Variants in SPAG8 observed in about 807,000 individuals in gnomAD.
SPAG8 encodes the protein sperm-associated antigen 8.
A neutral mutation model predicts 45.3 loss-of-function variants in SPAG8; 36 were observed. The observed-to-expected ratio is 0.80, with a 90% CI of 0.61 to 1.05. The LOEUF (loss-of-function observed/expected upper bound fraction) is 1.05. SPAG8 is among the 50% of genes least tolerant of loss of function. SPAG8 has a pLI of 0.00. For missense variants in SPAG8, 573 were observed against 609.2 expected, an observed-to-expected ratio of 0.94 and a Z score of 0.63; for synonymous variants, 227 against 232.6, an observed-to-expected ratio of 0.98 and a Z score of 0.22.
rs929163257 is a variant in SPAG8, at chr9:35,811,237, A to T, written c.809T>A (p.Val270Asp). 2 of 1,601,226 alleles carry T rather than the reference A, an allele frequency of 1.2e-6. No homozygotes were observed. The highest frequency in any genetic ancestry group is 1.3e-5 in the African/African-American group (1 of 74,262). ...GCCCCGCGGCAAAGTTTCATAGCAA[A>T]CCATAAGCTTCCCTTTAATGTCTGG... ...KPPDIKGKLM[V>D]CYETLPRGQC... is the part of the protein sequence containing the mutation. Residue 270 changes from valine to aspartate, a missense_variant, in exon 2 of 7, where the codon GTT (valine) becomes GAT (aspartate). Val to Asp is a radical substitution (Grantham distance 152, BLOSUM62 -3). Transcript: ENST00000396638.
rs192813746 is a variant in SPAG8 at position 35,810,853 on chromosome 9, C to T, written c.1039+30G>A. 4.3e-5 allele frequency: 69 copies of T among 1,605,042 alleles called. 1 individual carries two copies. Among genetic ancestry groups the T allele is most frequent in the East Asian group, 4.0e-4 (18 of 44,794 alleles). ...TCTTCTTCCCTCTGAGTAATGGGCT[C>T]GTTCTGGCCTACCCTCTCACATTTC... is the stretch of plus-strand genomic sequence containing the variant. On this transcript the variant is annotated intron_variant, in intron 3 of 6. Transcript: ENST00000396638.
chr9:35,810,404 G>C, intron 5 of SPAG8, 35 bp downstream of exon 5: 1 of 1,604,816 alleles, frequency 6.2e-7, no homozygotes, highest in South Asian at 1.1e-5. Flanking sequence ...AGCCCAGCTG[G>C]TGCAAGTGGC....
In SPAG8 at chr9:35,810,988, C is replaced by T. The variant is rs748325447; in HGVS notation, c.934G>A (p.Gly312Arg). 10 of 1,613,848 alleles carry T rather than the reference C, an allele frequency of 6.2e-6. No homozygotes were observed. Among genetic ancestry groups the T allele is most frequent in the South Asian group, 3.3e-5 (3 of 91,070 alleles). Reference sequence around the variant, plus strand: ...TGCATAGTCAGCAGTCCCCGGTGTCCGTGTCGGAAGAAAAAACTCTCAGAG... The same window carrying T: ...TGCATAGTCAGCAGTCCCCGGTGTCTGTGTCGGAAGAAAAAACTCTCAGAG... ...DGSESFFFRH[G>R]HRGLLTMQLK... The change falls in exon 3 of 7, where the codon GGA becomes AGA. Residue 312 changes from glycine (G) to arginine (R), a missense_variant. Coordinates refer to ENST00000396638, the MANE Select transcript of SPAG8 (RefSeq NM_001039592.2).
At chr9:35,808,723 C>T, downstream of SPAG8, 1 of 1,611,836 alleles carries the variant, frequency 6.2e-7, no homozygotes, top group Middle Eastern at 1.7e-4. This position sits in a 1 kb window ranked among gnomAD's most constrained non-coding sequence, Gnocchi z 4.0. Flanking sequence ...CTCCACCTTT[C>T]CCAGACTCTC....
In SPAG8 at chr9:35,809,907, A is replaced by G. The variant is rs756495914; in HGVS notation, c.*31T>C. ...TCTAGTGCAGACAGAAATAGATTCC[A>G]TATTCCATACCCCACTTCCCTCCTC... On this transcript the variant is annotated 3_prime_UTR_variant, in exon 7 of 7. Coordinates refer to ENST00000396638, the MANE Select transcript of SPAG8 (RefSeq NM_001039592.2). This position sits in a 1 kb window ranked among gnomAD's most constrained non-coding sequence, Gnocchi z 4.1. 6 of 1,544,230 alleles carry G rather than the reference A, an allele frequency of 3.9e-6. No homozygotes were observed. Among genetic ancestry groups the G allele is most frequent in the Admixed American group, 2.1e-5 (1 of 47,980 alleles).
chr9:35,808,450 C>A, downstream of SPAG8: 2 of 1,572,172 alleles, frequency 1.3e-6, no homozygotes, highest in Non-Finnish European at 1.7e-6. This position sits in a 1 kb window ranked among gnomAD's most constrained non-coding sequence, Gnocchi z 4.0. Flanking sequence ...TCTCCCTCTA[C>A]TTTTTCCCAT....
rs757636893 is a variant in SPAG8 at position 35,810,488 on chromosome 9, T to C, written c.1151A>G (p.His384Arg). 3.5e-5 allele frequency: 56 copies of C among 1,614,058 alleles called. No homozygotes were observed. The highest frequency in any genetic ancestry group is 4.6e-5 in the Non-Finnish European group (54 of 1,180,044). Residue 384 changes from histidine (H) to arginine (R), a missense_variant, in exon 5 of 7, where the codon CAT (histidine) becomes CGT (arginine). Coordinates refer to ENST00000396638, the MANE Select transcript of SPAG8 (RefSeq NM_001039592.2). ...TTGTGCCAGCTCCATTCGGTAGTCA[T>C]GGTGTGTCACAGACTCAACCTCGAA... is the stretch of plus-strand genomic sequence containing the variant. ...KLFEVESVTH[H>R]DYRMELAQAG...
Position 35,810,096 on chromosome 9 carries a change from G to A in SPAG8, c.1300C>T (p.Arg434Trp), listed in dbSNP as rs114206408. The change falls in exon 7 of 7, where the codon CGG becomes TGG. Residue 434 changes from arginine to tryptophan, a missense_variant. By Grantham distance (101) the Arg-to-Trp change is moderately radical (BLOSUM62 -3). Coordinates refer to ENST00000396638, the MANE Select transcript of SPAG8 (RefSeq NM_001039592.2). ...SNIRTLDTPF[R>W]KNCSFSTPVP... ...GGTGTTGAGAAGCTGCAGTTCTTCC[G>A]GAATGGTGTGTCCAATGTCCTGATG... 1,391 of 1,612,114 alleles carry A rather than the reference G, an allele frequency of 8.6e-4. 11 individuals are homozygous for A. The African/African-American group carries it at 0.016, about 19-fold the overall frequency.
At position 35,811,017 on chromosome 9, in the gene SPAG8, T is replaced by C; in HGVS notation, c.905A>G (p.Asp302Gly). The C allele has an allele frequency of 6.2e-7, 1 of 1,614,032 alleles. No homozygotes were observed. The highest frequency in any genetic ancestry group is 8.5e-7 in the Non-Finnish European group (1 of 1,179,984). ...NHLDQVPSMQ[D>G]GSESFFFRHG... The stretch of plus-strand genomic sequence containing the variant: ...TCGGAAGAAAAAACTCTCAGAGCCA[T>C]CCTGCATGCTTGGGACTTGATCCAG... The change falls in exon 3 of 7, where the codon GAT becomes GGT. Residue 302 changes from aspartate to glycine, a missense_variant. Physicochemically the swap from Asp to Gly is moderately conservative, Grantham distance 94. Transcript: ENST00000396638.
downstream of SPAG8, chr9:35,807,996 C>G (rs1828501294): frequency 1.7e-6 from 1 of 605,870 alleles, no homozygotes; most frequent in South Asian, 2.0e-5. Context: ...GGGATAACTA[C>G]TTTATCCCTA....
chr9:35,811,195 T>C lies in SPAG8; in HGVS notation c.851A>G (p.Asn284Ser), dbSNP rs1828773201. The change falls in exon 2 of 7, where the codon AAC becomes AGC. Residue 284 changes from asparagine to serine, a missense_variant. Coordinates refer to ENST00000396638, the MANE Select transcript of SPAG8 (RefSeq NM_001039592.2). ...AAACTTTAATACCTCTTCCTCCCAG[T>C]TGTAGAGGAGGCACTGGCCCCGCGG... The part of the protein sequence containing the change: ...TLPRGQCLLY[N>S]WEEERATNHL... 2 of 1,570,324 alleles carry C rather than the reference T, an allele frequency of 1.3e-6. No individual in the cohort carries two copies. Among genetic ancestry groups the C allele is most frequent in the Non-Finnish European group, 1.7e-6 (2 of 1,157,752 alleles).
intron 6 of SPAG8, 22 bp from the exon 7 acceptor site, chr9:35,810,154 GA>G (rs748533037): frequency 6.2e-7 from 1 of 1,608,240 alleles, no homozygotes; most frequent in South Asian, 1.1e-5. Flanking sequence ...CCAGGATGAG[GA>G]TGGATCCCAC....
chr9:35,808,547 C>A (rs769164963), downstream of SPAG8: 18 of 1,614,130 alleles, frequency 1.1e-5, no homozygotes, highest in Non-Finnish European at 1.5e-5. This position sits in a 1 kb window ranked among gnomAD's most constrained non-coding sequence, Gnocchi z 4.0. Flanking sequence ...TGGTATCTGG[C>A]CTCCCAGGCC....
At position 35,809,948 on chromosome 9, in the gene SPAG8, G is replaced by A. The variant is rs774698062; in HGVS notation, c.1448C>T (p.Thr483Ile). Residue 483 changes from threonine to isoleucine, a missense_variant, in exon 7 of 7, where the codon ACT becomes ATT. Physicochemically the swap from Thr to Ile is moderately conservative, Grantham distance 89. Coordinates refer to ENST00000396638, the MANE Select transcript of SPAG8 (RefSeq NM_001039592.2). This position sits in a 1 kb window ranked among gnomAD's most constrained non-coding sequence, Gnocchi z 4.1. The stretch of plus-strand genomic sequence containing the variant: ...TTCCCTCCTCACCCCTCAGAAAGGA[G>A]TCATTCTCCCCCCTCCACCACCCAG... ...GRLGGGGGRM[T>I]PF 3 of 1,577,016 alleles carry A rather than the reference G, an allele frequency of 1.9e-6. No individual in the cohort carries two copies. Among genetic ancestry groups the A allele is most frequent in the Non-Finnish European group, 2.6e-6 (3 of 1,163,734 alleles).
downstream of SPAG8, chr9:35,808,679 T>C (rs1828566533): frequency 6.2e-7 from 1 of 1,614,134 alleles, no homozygotes; most frequent in Non-Finnish European, 8.5e-7. The surrounding 1 kb of genome is among the most constrained non-coding windows in gnomAD (Gnocchi z 4.0). Context: ...TAGGGGTCCA[T>C]ACTGGTAAGG....
In SPAG8 at chr9:35,809,935, C is replaced by A; in HGVS notation, c.*3G>T. The A allele has an allele frequency of 6.4e-7, 1 of 1,564,810 alleles. No individual in the cohort carries two copies. The highest frequency in any genetic ancestry group is 1.2e-5 in the South Asian group (1 of 81,492). ...TTCCATACCCCACTTCCCTCCTCAC[C>A]CCTCAGAAAGGAGTCATTCTCCCCC... On this transcript the variant is annotated 3_prime_UTR_variant, in exon 7 of 7. Coordinates refer to ENST00000396638, the MANE Select transcript of SPAG8 (RefSeq NM_001039592.2). The surrounding 1 kb of genome is among the most constrained non-coding windows in gnomAD (Gnocchi z 4.1).
chr9:35,809,148 C>T, downstream of SPAG8: 1 of 1,612,264 alleles, frequency 6.2e-7, no homozygotes, highest in Non-Finnish European at 8.5e-7. This position sits in a 1 kb window ranked among gnomAD's most constrained non-coding sequence, Gnocchi z 4.1. Context: ...CCATTCCACC[C>T]ACCCCAGCGC....
At chr9:35,809,753 C>A, downstream of SPAG8, 2 of 1,503,812 alleles carry the variant, frequency 1.3e-6, no homozygotes, top group Non-Finnish European at 9.1e-7. The surrounding 1 kb of genome is among the most constrained non-coding windows in gnomAD (Gnocchi z 4.1). Flanking sequence ...AGGGGCAATC[C>A]CAAGGAAAGG....
Position 35,810,980 on chromosome 9 carries a change from C to A in SPAG8, c.942G>T (p.Arg314=). ...SESFFFRHGH[R]GLLTMQLKSP... ...ACTTTAGTTGCATAGTCAGCAGTCC[C>A]CGGTGTCCGTGTCGGAAGAAAAAAC... Residue 314 remains arginine, a synonymous_variant, in exon 3 of 7, where the codon CGG becomes CGT. Coordinates refer to ENST00000396638, the MANE Select transcript of SPAG8 (RefSeq NM_001039592.2). 1 of 1,614,038 alleles carries A rather than the reference C, an allele frequency of 6.2e-7. No homozygotes were observed. Among genetic ancestry groups the A allele is most frequent in the Non-Finnish European group, 8.5e-7 (1 of 1,180,014 alleles).
Sources: gnomAD v4.1 joint callset for allele counts on GRCh38, gnomAD v4.1.1 for gene constraint, Gnocchi (gnomAD v3.1) non-coding constraint, MANE v1.5 for transcripts, NCBI Gene and HGNC (gene_info 2026-07-23, HGNC 2026-07-21) for gene names.